Variants in DEPDC5 observed in about 807,000 individuals in gnomAD.
The protein encoded by DEPDC5 is DEP domain containing 5, GATOR1 subcomplex subunit, also known as GATOR1 complex protein DEPDC5.
A neutral mutation model predicts 217.3 loss-of-function variants in DEPDC5; 73 were observed. The observed-to-expected ratio is 0.34, with a 90% CI of 0.28 to 0.41. The LOEUF (loss-of-function observed/expected upper bound fraction) is 0.41. Ranked by LOEUF, DEPDC5 falls within the 10% of genes least tolerant of loss-of-function variation. The probability of loss-of-function intolerance (pLI) is 1.00; values close to 1 mark genes in which losing one functional copy is unlikely to be tolerated. For synonymous variants in DEPDC5, 733 were observed against 756.7 expected, an observed-to-expected ratio of 0.97 and a Z score of 0.51; for missense variants, 1,675 against 2,070.1, an observed-to-expected ratio of 0.81 and a Z score of 3.70.
chr22:31,804,487 T>C (rs1350402057), intron 16 of DEPDC5, among the ~76,000 whole-genome samples: 2 of 152,228 alleles, frequency 1.3e-5, no homozygotes, highest in Non-Finnish European at 2.9e-5. Context: ...TCCTCCAGGC[T>C]GGAGTGCAAT....
chr22:31,901,870 A>C lies in DEPDC5; in HGVS notation c.4436+68A>C. 3 of 1,470,870 alleles carry C rather than the reference A, an allele frequency of 2.0e-6. No homozygotes were observed. In the South Asian group the frequency reaches 3.6e-5, roughly 17 times the overall value. The allele number at this position is 1,470,870 out of a possible 1,614,324, so 91.1% of individuals were successfully genotyped here. A position where few individuals can be genotyped will look rare whatever the true frequency, so the allele number is the denominator to read the frequency against. ...GTTTATCTTGAATAGCAGTTACCAAAGTGAAACTCATTTTTTTAGCTCCTA... is the reference window on the plus strand; with the variant it reads ...GTTTATCTTGAATAGCAGTTACCAACGTGAAACTCATTTTTTTAGCTCCTA... On this transcript the variant is annotated intron_variant, in intron 41 of 42. Transcript: ENST00000651528.
intron 38 of DEPDC5, among the ~76,000 whole-genome samples, chr22:31,884,127 CTG>C (rs1211412727): frequency 3.3e-5 from 5 of 152,190 alleles, no homozygotes; most frequent in African/African-American, 1.2e-4. Context: ...TCTTGTGTCA[CTG>C]TGAAAACTGA....
At position 31,845,048 on chromosome 22, in the gene DEPDC5, C is replaced by T. The variant is rs771577027; in HGVS notation, c.2832C>T (p.Thr944=). ...SLIESLKFWR[T]RFLLLPACVT... The stretch of plus-strand genomic sequence containing the variant: ...TTGAGTCCCTGAAGTTCTGGAGGAC[C>T]CGCTTCCTGCTGCTGCCAGCCTGTG... Residue 944 remains threonine (T), a synonymous_variant, in exon 30 of 43, where the codon ACC becomes ACT. Transcript: ENST00000651528. 1.9e-6 allele frequency: 3 copies of T among 1,614,132 alleles called. No homozygotes were observed. Among genetic ancestry groups the T allele is most frequent in the Non-Finnish European group, 2.5e-6 (3 of 1,180,020 alleles).
intron 37 of DEPDC5, among the ~76,000 whole-genome samples, chr22:31,878,646 G>A (rs1472242409): frequency 1.3e-5 from 2 of 152,068 alleles, no homozygotes; most frequent in African/African-American, 2.4e-5. Flanking sequence ...CCAGGAGGTT[G>A]AGGCTATAGT....
rs138211461 is a variant in DEPDC5 at position 31,767,710 on chromosome 22, G to A, written c.363+1042G>A. On this transcript the variant is annotated intron_variant, in intron 6 of 42. Transcript: ENST00000651528. ...GCCTCCCAAAGTGCTAGGATTATAG[G>A]TGTGAGGCATCGTGCCCGGCCCATT... Among the ~76,000 whole-genome samples, 6 of 152,144 alleles carry A rather than the reference G, an allele frequency of 3.9e-5. No individual in the cohort carries two copies. In the East Asian group the frequency reaches 9.7e-4, roughly 25 times the overall value.
intron 4 of DEPDC5, 130 bp downstream of exon 4, chr22:31,760,832 T>A: frequency 1.3e-6 from 1 of 761,398 alleles, no homozygotes. Context: ...TTAATTTAAC[T>A]TTCAATTCAG....
chr22:31,816,101 A>G, intron 21 of DEPDC5: 1 of 797,682 alleles, frequency 1.3e-6, no homozygotes, highest in Non-Finnish European at 1.5e-6. Flanking sequence ...GAAGTTTGAG[A>G]CCAGCCTGGT....
intron 21 of DEPDC5, chr22:31,815,676 G>A (rs1199679284): frequency 5.1e-6 from 3 of 593,102 alleles, no homozygotes; most frequent in Non-Finnish European, 8.3e-6. Context: ...TGGGACTATA[G>A]CATGCCACCA....
At chr22:31,899,419 C>T (rs1180647514) in intron 40 of DEPDC5, among the ~76,000 whole-genome samples, 2 of 151,664 alleles carry the variant, frequency 1.3e-5, no homozygotes, top group East Asian at 1.9e-4. Context: ...GACGTAGTCT[C>T]GCTCTGTCAC....
intron 31 of DEPDC5, among the ~76,000 whole-genome samples, chr22:31,852,449 T>C (rs2092081609): frequency 6.6e-6 from 1 of 151,806 alleles, no homozygotes; most frequent in South Asian, 2.1e-4. Flanking sequence ...CAAGTGATTC[T>C]CCTGCCTCAG....
intron 41 of DEPDC5, 122 bp downstream of exon 41, chr22:31,901,924 A>C (rs558460027): frequency 1.2e-5 from 10 of 836,602 alleles, no homozygotes; most frequent in Non-Finnish European, 2.0e-5. Context: ...ACCAATGGCA[A>C]ATTCACTGCT....
At chr22:31,783,585 T>G (rs979114849) in intron 8 of DEPDC5, among the ~76,000 whole-genome samples, 1 of 152,130 alleles carries the variant, frequency 6.6e-6, no homozygotes, top group Non-Finnish European at 1.5e-5. Flanking sequence ...CGTTTCATCC[T>G]GGAGCCTGGG....
At position 31,810,619 on chromosome 22, in the gene DEPDC5, G is replaced by A; in HGVS notation, c.1423G>A (p.Ala475Thr). ...QVFRLPGPSR[A>T]QCLTTCRSVR... ...GTTCAGGCTGCCCGGCCCATCCCGG[G>A]CCCAGTGCCTCACCACCTGCAGGTT... Residue 475 changes from alanine (A) to threonine (T), a missense_variant, in exon 20 of 43, where the codon GCC (alanine) becomes ACC (threonine). Ala to Thr is a moderately conservative substitution (Grantham distance 58). Transcript: ENST00000651528. The A allele has an allele frequency of 6.2e-7, 1 of 1,614,170 alleles. No individual in the cohort carries two copies. The highest frequency in any genetic ancestry group is 1.1e-5 in the South Asian group (1 of 91,084).
chr22:31,830,169 C>T (rs551045070), intron 24 of DEPDC5, among the ~76,000 whole-genome samples: 3 of 152,346 alleles, frequency 2.0e-5, no homozygotes, highest in Non-Finnish European at 4.4e-5. Context: ...CAGGCACAGG[C>T]TTCTAGATAT....
At chr22:31,879,145 A>G (rs1305248846) in intron 37 of DEPDC5, among the ~76,000 whole-genome samples, 1 of 146,230 alleles carries the variant, frequency 6.8e-6, no homozygotes, top group African/African-American at 2.6e-5. Context: ...TATATTTTTA[A>G]TTGAAGTGAA....
chr22:31,788,379 T>C (rs114953398), intron 10 of DEPDC5, among the ~76,000 whole-genome samples: 3,701 of 143,384 alleles, frequency 0.026, 58 homozygotes, highest in African/African-American at 0.043. Flanking sequence ...GCTCAAGCCA[T>C]CCTCCCTCCT....
chr22:31,819,926 G>A (rs2089518859), intron 22 of DEPDC5, among the ~76,000 whole-genome samples: 1 of 151,774 alleles, frequency 6.6e-6, no homozygotes, highest in Non-Finnish European at 1.5e-5. Context: ...TTTCTGTTAG[G>A]TCTCTCTGAC....
chr22:31,897,515 G>C lies in DEPDC5; in HGVS notation c.4237G>C (p.Gly1413Arg). ...TTGGCATCGGAAAGCCACCTCCTGT[G>C]GCTTCTTGTTAGTCCCAGTTTTGGA... is the stretch of plus-strand genomic sequence containing the variant. ...QGWHRKATSC[G>R]FLLVPVLEGP... The change falls in exon 40 of 43, where the codon GGC becomes CGC. Residue 1413 changes from glycine (G) to arginine (R), a missense_variant. Physicochemically the swap from Gly to Arg is moderately radical, Grantham distance 125 (BLOSUM62 -2). Transcript: ENST00000651528. The C allele has an allele frequency of 6.2e-7, 1 of 1,613,960 alleles. No individual in the cohort carries two copies. The highest frequency in any genetic ancestry group is 8.5e-7 in the Non-Finnish European group (1 of 1,179,898).
intron 37 of DEPDC5, 102 bp downstream of exon 37, chr22:31,876,367 G>A (rs2092992944): frequency 2.4e-6 from 2 of 837,486 alleles, no homozygotes; most frequent in Non-Finnish European, 3.8e-6. Flanking sequence ...GTGTGACTTT[G>A]TATTATAAGT....
Sources: gnomAD v4.1 joint callset for allele counts (sites outside exome capture counted in the v4.1 genomes callset) on GRCh38, gnomAD v4.1.1 for gene constraint, MANE v1.5 for transcripts, NCBI Gene and HGNC (gene_info 2026-07-23, HGNC 2026-07-21) for gene names.